The following AMDHD1 variants were observed in gnomAD, a reference collection of about 807,000 sequenced individuals.
The protein encoded by AMDHD1 is probable imidazolonepropionase.
In AMDHD1, 45 loss-of-function variants were observed where a neutral mutation model predicts 44.1. The ratio of observed to expected loss-of-function variants is 1.02; its 90% CI spans 0.80 to 1.31. AMDHD1 has a LOEUF of 1.31. Ranked by LOEUF, AMDHD1 falls within the 50% of genes most tolerant of loss-of-function variation. The pLI is 0.00. For synonymous variants in AMDHD1, 206 were observed against 205.0 expected, an observed-to-expected ratio of 1.00 and a Z score of -0.04; for missense variants, 586 against 552.1, an observed-to-expected ratio of 1.06 and a Z score of -0.61.
intron 8 of AMDHD1, 123 bp downstream of exon 8, chr12:95,966,631 C>T (rs774067051): frequency 8.1e-7 from 1 of 1,235,578 alleles, no homozygotes; most frequent in African/African-American, 1.5e-5. Context: ...CTATCCAGTC[C>T]CCTCTATCTT....
At position 95,944,387 on chromosome 12, in the gene AMDHD1, A is replaced by T. The variant is rs534947673; in HGVS notation, c.137+852A>T. Among the ~76,000 whole-genome samples the T allele has an allele frequency of 2.0e-5, 3 of 149,654 alleles. No individual in the cohort carries two copies. The East Asian group carries it at 5.9e-4, about 29-fold the overall frequency. ...TATTTATTTATTTTTGAGACGCATG[A>T]GCCACTGCGCCCAGCCTATTTTTTG... On this transcript the variant is annotated intron_variant, in intron 1 of 8. Transcript: ENST00000266736.
intron 1 of AMDHD1, among the ~76,000 whole-genome samples, chr12:95,946,531 A>G (rs985734865): frequency 6.6e-6 from 1 of 151,362 alleles, no homozygotes; most frequent in African/African-American, 2.4e-5. Context: ...TATGGTAAGC[A>G]CAAAGGTAGA....
chr12:95,965,539 C>T, intron 6 of AMDHD1, 147 bp from the exon 7 acceptor site: 1 of 511,132 alleles, frequency 2.0e-6, no homozygotes, highest in Non-Finnish European at 3.5e-6. Context: ...ATATATGTAA[C>T]TCTACCACTA....
chr12:95,961,644 A>G (rs962432595), intron 5 of AMDHD1, among the ~76,000 whole-genome samples: 2 of 152,142 alleles, frequency 1.3e-5, no homozygotes, highest in African/African-American at 4.8e-5. Context: ...TGACGCCATC[A>G]CCTGTCTGTC....
At chr12:95,967,734 T>TTG in intron 8 of AMDHD1, 22 bp from the exon 9 acceptor site, 1 of 1,458,680 alleles carries the variant, frequency 6.9e-7, no homozygotes, top group Non-Finnish European at 9.1e-7. Context: ...GTAATATTTG[T>TTG]TGTTTTTTTT....
intron 1 of AMDHD1, among the ~76,000 whole-genome samples, 188 bp downstream of exon 1, chr12:95,943,723 A>G (rs2080478125): frequency 6.6e-6 from 1 of 152,176 alleles, no homozygotes; most frequent in Non-Finnish European, 1.5e-5. Context: ...CCGTCCAAAG[A>G]GCTCAGAGAG....
chr12:95,967,938 C>A lies in AMDHD1; in HGVS notation c.*95C>A. 1 of 837,942 alleles carries A rather than the reference C, an allele frequency of 1.2e-6. No homozygotes were observed. The highest frequency in any genetic ancestry group is 1.8e-6 in the Non-Finnish European group (1 of 546,732). The allele number at this position is 837,942 out of a possible 1,614,324, so 51.9% of individuals were successfully genotyped here. A position where few individuals can be genotyped will look rare whatever the true frequency, so the allele number is the denominator to read the frequency against. On this transcript the variant is annotated 3_prime_UTR_variant, in exon 9 of 9. Coordinates refer to ENST00000266736, the MANE Select transcript of AMDHD1 (RefSeq NM_152435.3). The stretch of plus-strand genomic sequence containing the variant: ...ACCTTAATATTTACAAGAATTATAT[C>A]ACTTAAACCTAAATGTACTTCAATG...
rs1441955968 is a variant in AMDHD1 at position 95,948,562 on chromosome 12, C to A, written c.138-4155C>A. ...GTGGGGGGGGGGTCAGCCCCCACCG[C>A]CCAGCCAGCCGACCCGTCCGGGAGG... On this transcript the variant is annotated intron_variant, in intron 1 of 8. Coordinates refer to ENST00000266736, the MANE Select transcript of AMDHD1 (RefSeq NM_152435.3). 3.5e-5 allele frequency among the ~76,000 whole-genome samples: 3 copies of A among 85,988 alleles called. 1 individual carries two copies. Among genetic ancestry groups the A allele is most frequent in the Non-Finnish European group, 7.0e-5 (3 of 43,028 alleles). The allele number at this position is 85,988 out of a possible 152,430, so 56.4% of individuals were successfully genotyped here.
At chr12:95,955,881 C>T (rs2080546844) in intron 3 of AMDHD1, among the ~76,000 whole-genome samples, 1 of 152,136 alleles carries the variant, frequency 6.6e-6, no homozygotes, top group African/African-American at 2.4e-5. Flanking sequence ...AGATCAAGCT[C>T]CAAACTCGGA....
chr12:95,947,986 G>A (rs1410437951), intron 1 of AMDHD1, among the ~76,000 whole-genome samples: 1 of 136,314 alleles, frequency 7.3e-6, no homozygotes, highest in African/African-American at 2.8e-5. Flanking sequence ...CGGGAGGGAG[G>A]TGGGGGGGTC....
chr12:95,948,005 GC>G (rs2080506883), intron 1 of AMDHD1, among the ~76,000 whole-genome samples: 1 of 119,318 alleles, frequency 8.4e-6, no homozygotes, highest in Non-Finnish European at 1.8e-5. Context: ...TCAGCCCCCC[GC>G]CCGGCCAGCC....
chr12:95,951,318 C>A (rs1438681974), intron 1 of AMDHD1, among the ~76,000 whole-genome samples: 3 of 152,174 alleles, frequency 2.0e-5, no homozygotes, highest in Non-Finnish European at 4.4e-5. Context: ...TTAGCTCCCA[C>A]AAATGAATGA....
At chr12:95,960,039 G>A (rs1401957686) in intron 4 of AMDHD1, among the ~76,000 whole-genome samples, 3 of 151,856 alleles carry the variant, frequency 2.0e-5, no homozygotes, top group East Asian at 1.9e-4. Context: ...TGCCCATCTC[G>A]GCCTCCCAAA....
At position 95,944,326 on chromosome 12, in the gene AMDHD1, A is replaced by ATTTT. The variant is rs1432983134; in HGVS notation, c.137+792_137+795dup. 6.0e-5 allele frequency among the ~76,000 whole-genome samples: 7 copies of ATTTT among 117,194 alleles called. 1 individual carries two copies. The South Asian group carries it at 1.2e-3, about 19-fold the overall frequency. 76.9% of individuals were successfully genotyped at this position (117,194 alleles called of 152,430 possible). A position where few individuals can be genotyped will look rare whatever the true frequency, so the allele number is the denominator to read the frequency against. ...TTTTAAGGGACTGTGGGTTGGTTTAATTTTATTTATTTATTTATTTATTTA... is the reference window on the plus strand; with the variant it reads ...TTTTAAGGGACTGTGGGTTGGTTTAATTTTTTTTATTTATTTATTTATTTATTTA... On this transcript the variant is annotated intron_variant, in intron 1 of 8. Coordinates refer to ENST00000266736, the MANE Select transcript of AMDHD1 (RefSeq NM_152435.3).
intron 1 of AMDHD1, among the ~76,000 whole-genome samples, chr12:95,945,059 G>A (rs575799294): frequency 5.3e-5 from 8 of 152,238 alleles, no homozygotes; most frequent in Admixed American, 2.6e-4. Flanking sequence ...GCTTGAACCC[G>A]GGAGGCGGAG....
intron 4 of AMDHD1, among the ~76,000 whole-genome samples, chr12:95,959,927 C>G (rs2080572494): frequency 6.7e-6 from 1 of 149,024 alleles, no homozygotes. Flanking sequence ...TCCTGAGTAA[C>G]TGGGATTACA....
intron 2 of AMDHD1, among the ~76,000 whole-genome samples, chr12:95,953,819 G>A (rs749292339): frequency 7.9e-5 from 12 of 152,230 alleles, no homozygotes; most frequent in African/African-American, 1.4e-4. Flanking sequence ...GATCTCAAGC[G>A]ATCTGCTGAT....
At chr12:95,957,703 TTTAA>T (rs1205799697) in intron 4 of AMDHD1, among the ~76,000 whole-genome samples, 1 of 152,204 alleles carries the variant, frequency 6.6e-6, no homozygotes, top group South Asian at 2.1e-4. Flanking sequence ...TATTTAAAAA[TTTAA>T]TTGTTTAAAT....
At chr12:95,954,876 CTTAA>C (rs748204402) in intron 2 of AMDHD1, 31 bp from the exon 3 acceptor site, 2 of 1,607,642 alleles carry the variant, frequency 1.2e-6, no homozygotes, top group Non-Finnish European at 1.7e-6. Context: ...CTCTCTATTT[CTTAA>C]TTGTAAGATA....
Sources: gnomAD v4.1 joint callset for allele counts (sites outside exome capture counted in the v4.1 genomes callset) on GRCh38, gnomAD v4.1.1 for gene constraint, MANE v1.5 for transcripts, NCBI Gene and HGNC (gene_info 2026-07-23, HGNC 2026-07-21) for gene names.